Variants in HELZ observed in about 807,000 individuals in gnomAD.
The protein encoded by HELZ is ATP-dependent RNA helicase with zinc finger domain.
A neutral mutation model predicts 218.2 loss-of-function variants in HELZ; 23 were observed. That is an observed-to-expected ratio of 0.11 (90% CI 0.08 to 0.15). The LOEUF is 0.15. HELZ is among the 10% of genes least tolerant of loss of function. The probability of loss-of-function intolerance (pLI) is 1.00; values close to 1 mark genes in which losing one functional copy is unlikely to be tolerated. For missense variants in HELZ, 1,813 were observed against 2,353.7 expected, an observed-to-expected ratio of 0.77 and a Z score of 4.75; for synonymous variants, 814 against 829.4, an observed-to-expected ratio of 0.98 and a Z score of 0.32.
At chr17:67,080,950 T>C (rs141345039) in intron 32 of HELZ, among the ~76,000 whole-genome samples, 14 of 152,310 alleles carry the variant, frequency 9.2e-5, no homozygotes, top group African/African-American at 2.6e-4. Context: ...TAAGCTTAAA[T>C]TGGACACGTA....
At chr17:67,243,872 C>A in intron 1 of HELZ, 33 bp from the exon 2 acceptor site, 1 of 383,736 alleles carries the variant, frequency 2.6e-6, no homozygotes, top group Non-Finnish European at 3.6e-6. Flanking sequence ...TTCCATACAA[C>A]ACCAGTAACA....
intron 3 of HELZ, 69 bp from the exon 4 acceptor site, chr17:67,218,891 C>A: frequency 1.8e-6 from 2 of 1,104,454 alleles, no homozygotes; most frequent in Admixed American, 2.1e-5. Context: ...AGCCCCATTC[C>A]TATCTCAGCT....
rs764200414 is a variant in HELZ, at chr17:67,188,301, A to G, written c.1162+18T>C. The G allele has an allele frequency of 2.5e-6, 4 of 1,590,026 alleles. No homozygotes were observed. The African/African-American group carries it at 5.4e-5, about 21-fold the overall frequency. On this transcript the variant is annotated intron_variant, in intron 12 of 32. Transcript: ENST00000358691. This position sits in a 1 kb window ranked among gnomAD's most constrained non-coding sequence, Gnocchi z 4.1. ...CTTTTTAACACATTGTATCGGGGGA[A>G]AAAAGTCTAAATATTACCTTCTGTA...
intron 17 of HELZ, among the ~76,000 whole-genome samples, chr17:67,151,500 C>T (rs972713064): frequency 4.6e-5 from 7 of 152,138 alleles, no homozygotes; most frequent in Non-Finnish European, 8.8e-5. Flanking sequence ...AATCTTGCAA[C>T]AGAATGGCAC....
intron 31 of HELZ, among the ~76,000 whole-genome samples, chr17:67,099,720 C>G (rs1371560727): frequency 6.6e-6 from 1 of 152,084 alleles, no homozygotes; most frequent in Non-Finnish European, 1.5e-5. Flanking sequence ...GCCATTTCAC[C>G]TGTGTGTATA....
At chr17:67,165,437 G>A (rs1315152556) in intron 15 of HELZ, among the ~76,000 whole-genome samples, 1 of 152,072 alleles carries the variant, frequency 6.6e-6, no homozygotes. Flanking sequence ...CAACACCCAG[G>A]GTGACCCTGG....
At chr17:67,232,728 C>T (rs192835821) in intron 3 of HELZ, among the ~76,000 whole-genome samples, 102 of 152,306 alleles carry the variant, frequency 6.7e-4, no homozygotes, top group African/African-American at 2.4e-3. Flanking sequence ...ACAGATGAAA[C>T]AATACTGAGA....
intron 22 of HELZ, among the ~76,000 whole-genome samples, chr17:67,137,272 G>C (rs1028329480): frequency 1.3e-5 from 2 of 152,100 alleles, no homozygotes; most frequent in African/African-American, 4.8e-5. Flanking sequence ...GCAGTGTCTT[G>C]ATCATTCACT....
chr17:67,112,567 C>T (rs913794367), intron 28 of HELZ, among the ~76,000 whole-genome samples: 3 of 152,224 alleles, frequency 2.0e-5, no homozygotes, highest in Non-Finnish European at 4.4e-5. Flanking sequence ...CCAGTGGGTA[C>T]TGAATCCTTC....
At chr17:67,120,835 A>G (rs929141474) in intron 26 of HELZ, among the ~76,000 whole-genome samples, 5 of 152,242 alleles carry the variant, frequency 3.3e-5, no homozygotes, top group East Asian at 1.9e-4. Context: ...TATGTAATGG[A>G]AAATAGATCA....
chr17:67,109,198 T>C lies in HELZ; in HGVS notation c.4407A>G (p.Ala1469=). The C allele has an allele frequency of 1.9e-6, 3 of 1,614,132 alleles. No individual in the cohort carries two copies. Among genetic ancestry groups the C allele is most frequent in the Non-Finnish European group, 2.5e-6 (3 of 1,180,030 alleles). ...QEGHSPLRAI[A]QPGPILPSHL... is the part of the protein sequence containing the mutation. ...GTGAAGGAAGAATGGGGCCGGGTTG[T>C]GCAATGGCTCTCAGAGGACTGTGGC... Residue 1469 remains alanine (A), a synonymous_variant, in exon 29 of 33, where the codon GCA becomes GCG. Transcript: ENST00000358691.
At chr17:67,131,531 T>C (rs1303471852) in intron 23 of HELZ, among the ~76,000 whole-genome samples, 1 of 151,968 alleles carries the variant, frequency 6.6e-6, no homozygotes, top group African/African-American at 2.4e-5. Flanking sequence ...AAAAGTGACC[T>C]GAAATTTGCA....
intron 32 of HELZ, among the ~76,000 whole-genome samples, chr17:67,081,512 C>A (rs564364509): frequency 6.6e-6 from 1 of 152,294 alleles, no homozygotes; most frequent in South Asian, 2.1e-4. Flanking sequence ...GTCTAAACTG[C>A]ACATTTAGCA....
intron 15 of HELZ, 57 bp from the exon 16 acceptor site, chr17:67,161,133 AAC>A (rs1485133585): frequency 1.6e-5 from 21 of 1,292,884 alleles, no homozygotes; most frequent in Non-Finnish European, 2.3e-5. Context: ...AATAGAACAT[AAC>A]ACACGAGTAT....
chr17:67,166,728 T>C, intron 14 of HELZ, 120 bp from the exon 15 acceptor site: 1 of 760,016 alleles, frequency 1.3e-6, no homozygotes, highest in South Asian at 1.8e-5. Context: ...TCTTTTAAAG[T>C]ATAATCATAG....
intron 21 of HELZ, among the ~76,000 whole-genome samples, chr17:67,142,452 G>C (rs563805558): frequency 4.7e-4 from 72 of 152,242 alleles, no homozygotes; most frequent in Non-Finnish European, 9.0e-4. Context: ...CGGCTGCAGT[G>C]AGCCATAATC....
At chr17:67,145,104 AATGAT>A (rs1485962480) in intron 21 of HELZ, among the ~76,000 whole-genome samples, 4 of 152,144 alleles carry the variant, frequency 2.6e-5, no homozygotes, top group Non-Finnish European at 5.9e-5. Flanking sequence ...TGCCGCCCCT[AATGAT>A]ATGCCATCCT....
intron 24 of HELZ, among the ~76,000 whole-genome samples, chr17:67,125,451 A>G (rs1054270253): frequency 1.3e-5 from 2 of 150,960 alleles, no homozygotes; most frequent in Non-Finnish European, 3.0e-5. Flanking sequence ...AGCAATTAGA[A>G]GAGACAAGAT....
At chr17:67,116,505 AC>A (rs2037431638) in intron 27 of HELZ, among the ~76,000 whole-genome samples, 1 of 152,116 alleles carries the variant, frequency 6.6e-6, no homozygotes, top group South Asian at 2.1e-4. Flanking sequence ...ACACACACAC[AC>A]ACACACCATG....
Sources: gnomAD v4.1 joint callset for allele counts (sites outside exome capture counted in the v4.1 genomes callset) on GRCh38, gnomAD v4.1.1 for gene constraint, Gnocchi (gnomAD v3.1) non-coding constraint, MANE v1.5 for transcripts, NCBI Gene and HGNC (gene_info 2026-07-23, HGNC 2026-07-21) for gene names.